ERC2: variants seen among roughly 807,000 people sequenced by gnomAD.
ERC2 encodes ELKS/RAB6-interacting/CAST family member 2, also known as ERC protein 2.
Under a neutral mutation model 114.8 loss-of-function variants are expected in ERC2, and 42 were observed. The observed-to-expected ratio is 0.37, with a 90% CI of 0.29 to 0.47. The LOEUF (loss-of-function observed/expected upper bound fraction) is 0.47. ERC2 is among the 20% of genes least tolerant of loss of function. ERC2 has a pLI of 0.99. For synonymous variants in ERC2, 454 were observed against 425.5 expected, an observed-to-expected ratio of 1.07 and a Z score of -0.82; for missense variants, 939 against 1,150.7, an observed-to-expected ratio of 0.82 and a Z score of 2.66.
chr3:56,428,862 G>A (rs901308701), intron 2 of ERC2, among the ~76,000 whole-genome samples: 12 of 152,172 alleles, frequency 7.9e-5, no homozygotes, highest in Admixed American at 3.3e-4. Flanking sequence ...CAATGACCTT[G>A]TCCCACTTCT....
At chr3:56,264,132 A>C (rs191887343) in intron 3 of ERC2, among the ~76,000 whole-genome samples, 1 of 152,250 alleles carries the variant, frequency 6.6e-6, no homozygotes, top group Admixed American at 6.5e-5. Flanking sequence ...TCAAGAAATT[A>C]GGTTAAACAA....
At chr3:56,304,166 G>T (rs1305554818) in intron 2 of ERC2, among the ~76,000 whole-genome samples, 1 of 152,056 alleles carries the variant, frequency 6.6e-6, no homozygotes, top group East Asian at 1.9e-4. Context: ...AACAGATGGG[G>T]TAAGAAAAAA....
At chr3:56,171,380 C>T (rs918308136) in intron 4 of ERC2, among the ~76,000 whole-genome samples, 2 of 152,168 alleles carry the variant, frequency 1.3e-5, no homozygotes, top group African/African-American at 4.8e-5. Flanking sequence ...ACCCAGACTT[C>T]TCTGTTGACA....
chr3:56,003,014 TC>T (rs774894285), intron 10 of ERC2: 201 of 1,033,982 alleles, frequency 1.9e-4, no homozygotes, highest in Non-Finnish European at 2.5e-4. Flanking sequence ...TTTCAAAACC[TC>T]CCCAGTATGG....
intron 3 of ERC2, among the ~76,000 whole-genome samples, chr3:56,206,459 T>C (rs1036832928): frequency 1.3e-5 from 2 of 152,196 alleles, no homozygotes; most frequent in Non-Finnish European, 2.9e-5. Flanking sequence ...AGGTGAGTTG[T>C]CACCATAGCA....
At chr3:55,545,074 A>G (rs1323584055) in intron 17 of ERC2, among the ~76,000 whole-genome samples, 2 of 152,166 alleles carry the variant, frequency 1.3e-5, no homozygotes, top group African/African-American at 4.8e-5. Flanking sequence ...TCCTGGCTGT[A>G]TAAGTGCTTT....
At chr3:56,141,688 A>T (rs367954746) in intron 5 of ERC2, among the ~76,000 whole-genome samples, 1 of 152,136 alleles carries the variant, frequency 6.6e-6, no homozygotes, top group African/African-American at 2.4e-5. Context: ...ATTTTTTTCT[A>T]TATCTCATGG....
At chr3:56,086,820 C>G (rs2077528809) in intron 6 of ERC2, among the ~76,000 whole-genome samples, 1 of 152,034 alleles carries the variant, frequency 6.6e-6, no homozygotes, top group South Asian at 2.1e-4. Context: ...TCAGAAAAGC[C>G]TGAAGTCTAG....
intron 12 of ERC2, among the ~76,000 whole-genome samples, chr3:55,969,653 C>T (rs144927113): frequency 1.2e-3 from 177 of 152,300 alleles, no homozygotes; most frequent in Non-Finnish European, 2.2e-3. Context: ...GTCCTGCTTC[C>T]GAAAACCCAA....
chr3:56,145,070 TC>T (rs1307372087), intron 5 of ERC2, among the ~76,000 whole-genome samples: 1 of 152,112 alleles, frequency 6.6e-6, no homozygotes, highest in Non-Finnish European at 1.5e-5. Flanking sequence ...TGAAAATTCT[TC>T]CCCCACTTAC....
chr3:55,647,120 CAAA>C (rs1164100689), intron 17 of ERC2: 1 of 152,180 alleles, frequency 6.6e-6, no homozygotes, highest in Non-Finnish European at 1.5e-5. Context: ...CCTCTTTGAA[CAAA>C]AATCCTCTGT....
In ERC2 at chr3:55,888,425, T is replaced by A; in HGVS notation, c.2528A>T (p.Glu843Val). 1 of 1,613,846 alleles carries A rather than the reference T, an allele frequency of 6.2e-7. No individual in the cohort carries two copies. The highest frequency in any genetic ancestry group is 8.5e-7 in the Non-Finnish European group (1 of 1,179,816). ...KEAHLANLRI[E>V]RRKQLEEILE... ...GATCTCCTCCAGCTGTTTCCTCCTC[T>A]CAATCCGGAGGTTGGCCAAGTGCGC... Residue 843 changes from glutamate (E) to valine (V), a missense_variant, in exon 14 of 18, where the codon GAG becomes GTG. Transcript: ENST00000288221.
chr3:56,020,269 T>G (rs1245728837), intron 7 of ERC2, among the ~76,000 whole-genome samples: 1 of 152,190 alleles, frequency 6.6e-6, no homozygotes, highest in Non-Finnish European at 1.5e-5. Context: ...AGATGAAATT[T>G]TTTTTCTTTC....
At chr3:56,072,814 T>C (rs1421682141) in intron 7 of ERC2, among the ~76,000 whole-genome samples, 5 of 152,222 alleles carry the variant, frequency 3.3e-5, no homozygotes, top group African/African-American at 7.2e-5. Context: ...TGTTATCTGC[T>C]GGGTGGGCTA....
At chr3:56,088,657 T>C (rs767983727) in intron 6 of ERC2, among the ~76,000 whole-genome samples, 2 of 152,176 alleles carry the variant, frequency 1.3e-5, no homozygotes, top group Non-Finnish European at 2.9e-5. Flanking sequence ...CAGGTGGGTA[T>C]GTTTTGCAAC....
At chr3:55,910,388 T>C (rs1308195218) in intron 13 of ERC2, among the ~76,000 whole-genome samples, 2 of 150,976 alleles carry the variant, frequency 1.3e-5, no homozygotes, top group Admixed American at 1.3e-4. Flanking sequence ...CAAGACTCTG[T>C]CTCAACAAAA....
At chr3:55,548,680 C>T (rs549078083) in intron 17 of ERC2, among the ~76,000 whole-genome samples, 1 of 152,284 alleles carries the variant, frequency 6.6e-6, no homozygotes, top group South Asian at 2.1e-4. Flanking sequence ...GGGTGTCCTT[C>T]GATGGGCCAC....
intron 17 of ERC2, among the ~76,000 whole-genome samples, chr3:55,584,391 A>G (rs2057486175): frequency 6.6e-6 from 1 of 152,208 alleles, no homozygotes; most frequent in African/African-American, 2.4e-5. Flanking sequence ...TGTTCATTCA[A>G]CAATGGCTGC....
At chr3:55,665,570 GAT>G (rs910108429) in intron 17 of ERC2, among the ~76,000 whole-genome samples, 2 of 152,134 alleles carry the variant, frequency 1.3e-5, no homozygotes, top group Non-Finnish European at 2.9e-5. Flanking sequence ...AGATCAGAGT[GAT>G]GCATCTACAA....
Sources: gnomAD v4.1 joint callset for allele counts (sites outside exome capture counted in the v4.1 genomes callset) on GRCh38, gnomAD v4.1.1 for gene constraint, MANE v1.5 for transcripts, NCBI Gene and HGNC (gene_info 2026-07-23, HGNC 2026-07-21) for gene names.